Variants in SPTBN4 observed in about 807,000 individuals in gnomAD.
The protein encoded by SPTBN4 is spectrin beta, non-erythrocytic 4, also known as spectrin beta chain, non-erythrocytic 4.
In SPTBN4, 96 loss-of-function variants were observed where a neutral mutation model predicts 277.8. The observed-to-expected ratio is 0.35, with a 90% CI of 0.29 to 0.41. The LOEUF is 0.41. Ranked by LOEUF, SPTBN4 falls within the 10% of genes least tolerant of loss-of-function variation. SPTBN4 has a pLI of 1.00. For synonymous variants in SPTBN4, 1,481 were observed against 1,580.3 expected, an observed-to-expected ratio of 0.94 and a Z score of 1.49; for missense variants, 3,006 against 3,595.7, an observed-to-expected ratio of 0.84 and a Z score of 4.19.
At chr19:40,570,119 A>C (rs1216928863) in intron 32 of SPTBN4, among the ~76,000 whole-genome samples, 1 of 151,148 alleles carries the variant, frequency 6.6e-6, no homozygotes, top group Non-Finnish European at 1.5e-5. Context: ...AGCCTCATAC[A>C]CACACACACA....
chr19:40,481,264 C>T (rs1210123337), intron 2 of SPTBN4, among the ~76,000 whole-genome samples: 2 of 152,102 alleles, frequency 1.3e-5, no homozygotes, highest in Non-Finnish European at 2.9e-5. Context: ...CTATGTTGCT[C>T]AGGCTGGTCT....
chr19:40,513,071 C>T lies in SPTBN4; in HGVS notation c.2282C>T (p.Ala761Val). The T allele has an allele frequency of 2.1e-6, 3 of 1,409,740 alleles. No individual in the cohort carries two copies. Among genetic ancestry groups the T allele is most frequent in the South Asian group, 1.5e-5 (1 of 67,250 alleles). 87.3% of individuals were successfully genotyped at this position (1,409,740 alleles called of 1,614,324 possible). A position where few individuals can be genotyped will look rare whatever the true frequency, so the allele number is the denominator to read the frequency against. ...CGCCGCTGGCAGAGGCTGGAAGAGGCGGCGGCGCGGCGAGAGCGGCGGCTG... is the reference window on the plus strand; with the variant it reads ...CGCCGCTGGCAGAGGCTGGAAGAGGTGGCGGCGCGGCGAGAGCGGCGGCTG... ...ARRRWQRLEE[A>V]AARRERRLQE... The change falls in exon 14 of 36, where the codon GCG (alanine) becomes GTG (valine). Residue 761 changes from alanine (A) to valine (V), a missense_variant. Ala to Val is a moderately conservative substitution (Grantham distance 64, BLOSUM62 0). Transcript: ENST00000598249.
chr19:40,570,792 G>A (rs1437930452), intron 33 of SPTBN4, 64 bp downstream of exon 33: 1 of 1,554,740 alleles, frequency 6.4e-7, no homozygotes, highest in African/African-American at 1.4e-5. Flanking sequence ...TGCGTGGAGC[G>A]GTGGGACTGA....
intron 16 of SPTBN4, among the ~76,000 whole-genome samples, chr19:40,521,570 C>T (rs1254833355): frequency 6.6e-6 from 1 of 152,016 alleles, no homozygotes; most frequent in Non-Finnish European, 1.5e-5. Context: ...GGTTTGTGTT[C>T]CTATGAGAAT....
rs756471936 is a variant in SPTBN4, at chr19:40,560,251, G to A, written c.5763G>A (p.Leu1921=). ...EAIASREQEV[L]QGWKELLSAC... ...TCGCTAGCCGGGAGCAGGAGGTGCT[G>A]CAGGGTTGGAAAGAGCTGCTGTCAG... The change falls in exon 27 of 36, where the codon CTG becomes CTA. Residue 1921 remains leucine (L), a synonymous_variant. Transcript: ENST00000598249. This position sits in a 1 kb window ranked among gnomAD's most constrained non-coding sequence, Gnocchi z 5.2. 22 of 1,613,284 alleles carry A rather than the reference G, an allele frequency of 1.4e-5. No individual in the cohort carries two copies. In the East Asian group the frequency reaches 4.5e-4, roughly 33 times the overall value.
Position 40,560,854 on chromosome 19 carries a change from GTCCT to G in SPTBN4, c.5915+455_5915+458del. On this transcript the variant is annotated intron_variant, in intron 27 of 35. Coordinates refer to ENST00000598249, the MANE Select transcript of SPTBN4 (RefSeq NM_020971.3). This position sits in a 1 kb window ranked among gnomAD's most constrained non-coding sequence, Gnocchi z 5.2. ...TGTCCCCTGGTGATTGGGAGCCAGG[GTCCT>G]TCCATCATGCCACCCTGGGAGTCAC... The G allele has an allele frequency of 1.6e-6, 1 of 633,098 alleles. No individual in the cohort carries two copies. The highest frequency in any genetic ancestry group is 2.1e-6 in the Non-Finnish European group (1 of 487,186). 39.2% of individuals were successfully genotyped at this position (633,098 alleles called of 1,614,324 possible).
At chr19:40,562,358 C>T (rs2081050978) in intron 27 of SPTBN4, among the ~76,000 whole-genome samples, 1 of 151,900 alleles carries the variant, frequency 6.6e-6, no homozygotes, top group Non-Finnish European at 1.5e-5. Flanking sequence ...GGCGAAACCC[C>T]GCCTCTACTA....
chr19:40,483,846 G>T lies in SPTBN4; in HGVS notation c.170-3851G>T, dbSNP rs977277049. Among the ~76,000 whole-genome samples the T allele has an allele frequency of 1.1e-4, 17 of 152,274 alleles. No homozygotes were observed. In the East Asian group the frequency reaches 2.9e-3, roughly 26 times the overall value. On this transcript the variant is annotated intron_variant, in intron 2 of 35. Coordinates refer to ENST00000598249, the MANE Select transcript of SPTBN4 (RefSeq NM_020971.3). ...TCTGCCCTGTCTGTACTAATAACTG[G>T]CCAGGTGACTTCTCGAGGTCATCTC...
intron 35 of SPTBN4, among the ~76,000 whole-genome samples, chr19:40,573,401 G>A (rs1039308568): frequency 3.9e-5 from 6 of 152,252 alleles, no homozygotes; most frequent in African/African-American, 1.4e-4. Flanking sequence ...AACTGCTGGA[G>A]GGCAGAGTTC....
chr19:40,486,371 CTT>C (rs540832411), intron 2 of SPTBN4, among the ~76,000 whole-genome samples: 30 of 141,300 alleles, frequency 2.1e-4, no homozygotes, highest in Non-Finnish European at 2.8e-4. Flanking sequence ...GGTGCAGCAA[CTT>C]TTTTTTTTTT....
chr19:40,535,360 C>T (rs1438887097), intron 20 of SPTBN4, among the ~76,000 whole-genome samples: 1 of 152,038 alleles, frequency 6.6e-6, no homozygotes, highest in Non-Finnish European at 1.5e-5. Context: ...ATCTGGCCCA[C>T]GTGACTCCTG....
chr19:40,513,609 C>G, intron 14 of SPTBN4, 55 bp downstream of exon 14: 1 of 1,439,936 alleles, frequency 6.9e-7, no homozygotes, highest in Non-Finnish European at 9.2e-7. Context: ...CCCAGTCTCA[C>G]CTTCATTGGC....
At chr19:40,534,053 C>T in intron 19 of SPTBN4, 27 bp from the exon 20 acceptor site, 1 of 1,582,268 alleles carries the variant, frequency 6.3e-7, no homozygotes, top group Non-Finnish European at 8.6e-7. Flanking sequence ...TCTTCTCCAT[C>T]TCCTGCCATC....
intron 7 of SPTBN4, among the ~76,000 whole-genome samples, chr19:40,499,111 C>G (rs2080235302): frequency 6.6e-6 from 1 of 151,918 alleles, no homozygotes; most frequent in South Asian, 2.1e-4. Flanking sequence ...TCACTGCAAC[C>G]TCCGCCTCCC....
intron 15 of SPTBN4, among the ~76,000 whole-genome samples, chr19:40,518,470 TCACCCAGGCTG>T (rs1466606715): frequency 6.6e-6 from 1 of 151,830 alleles, no homozygotes; most frequent in East Asian, 1.9e-4. Flanking sequence ...CATTACTCTG[TCACCCAGGCTG>T]GAGTGCAGTG....
At chr19:40,557,787 G>T (rs529646961) in intron 26 of SPTBN4, among the ~76,000 whole-genome samples, 1 of 151,692 alleles carries the variant, frequency 6.6e-6, no homozygotes, top group African/African-American at 2.4e-5. Flanking sequence ...GTCTGGTGGC[G>T]GGCACCTGTA....
chr19:40,502,685 C>T lies in SPTBN4; in HGVS notation c.1204-90C>T, dbSNP rs2080277038. On this transcript the variant is annotated intron_variant, in intron 10 of 35. Transcript: ENST00000598249. The surrounding 1 kb of genome is among the most constrained non-coding windows in gnomAD (Gnocchi z 4.9). ...TTTTTTCCAATTTGCATGAAGTTGCCATAATGCTATGAGTGACCTCAGACT... is the reference window on the plus strand; with the variant it reads ...TTTTTTCCAATTTGCATGAAGTTGCTATAATGCTATGAGTGACCTCAGACT... 2.0e-6 allele frequency: 3 copies of T among 1,532,506 alleles called. No individual in the cohort carries two copies. Among genetic ancestry groups the T allele is most frequent in the Admixed American group, 2.1e-5 (1 of 48,144 alleles). 94.9% of individuals were successfully genotyped at this position (1,532,506 alleles called of 1,614,324 possible). A position where few individuals can be genotyped will look rare whatever the true frequency, so the allele number is the denominator to read the frequency against.
At chr19:40,468,323 C>T (rs1351112636) in intron 1 of SPTBN4, among the ~76,000 whole-genome samples, 1 of 152,084 alleles carries the variant, frequency 6.6e-6, no homozygotes, top group African/African-American at 2.4e-5. Context: ...GTGACCCACC[C>T]ACCTCCTTGG....
chr19:40,570,406 A>G (rs1363827848), intron 32 of SPTBN4, 30 bp from the exon 33 acceptor site: 3 of 1,516,804 alleles, frequency 2.0e-6, no homozygotes, highest in Non-Finnish European at 2.6e-6. Flanking sequence ...CTCCATGGAC[A>G]GCACCCCTCT....
Sources: allele counts gnomAD v4.1 joint callset (sites outside exome capture counted in the v4.1 genomes callset), GRCh38; gene constraint gnomAD v4.1.1; non-coding constraint Gnocchi (gnomAD v3.1); transcripts MANE v1.5; gene names NCBI Gene and HGNC (gene_info 2026-07-23, HGNC 2026-07-21).